The following PPP2R2C variants were observed in gnomAD, a reference collection of about 807,000 sequenced individuals.
PPP2R2C encodes the protein protein phosphatase 2 regulatory subunit Bgamma.
A neutral mutation model predicts 45.3 loss-of-function variants in PPP2R2C; 10 were observed. The ratio of observed to expected loss-of-function variants is 0.22; its 90% CI spans 0.14 to 0.37. PPP2R2C has a LOEUF of 0.37. PPP2R2C is among the 10% of genes least tolerant of loss of function. PPP2R2C has a pLI of 1.00. For missense variants in PPP2R2C, 308 were observed against 619.7 expected (o/e 0.50, Z 5.34); for synonymous variants, 257 against 245.4 (o/e 1.05, Z -0.44).
At chr4:6,342,605 A>AC (rs1443977934) in intron 6 of PPP2R2C, among the ~76,000 whole-genome samples, 1 of 151,968 alleles carries the variant, frequency 6.6e-6, no homozygotes, top group African/African-American at 2.4e-5. Flanking sequence ...AGCCATCATC[A>AC]CCCCCAATTC....
chr4:6,409,413 C>A (rs528999333), intron 1 of PPP2R2C, among the ~76,000 whole-genome samples: 1 of 152,262 alleles, frequency 6.6e-6, no homozygotes, highest in African/African-American at 2.4e-5. Flanking sequence ...GGAAGACGGG[C>A]CAGTGGTGCC....
chr4:6,436,436 C>T (rs1719898988), intron 1 of PPP2R2C, among the ~76,000 whole-genome samples: 1 of 152,242 alleles, frequency 6.6e-6, no homozygotes, highest in African/African-American at 2.4e-5. Context: ...CTTTACTGCA[C>T]TTCCCCACAT....
chr4:6,390,626 T>C (rs1716555338), intron 1 of PPP2R2C, among the ~76,000 whole-genome samples: 1 of 152,060 alleles, frequency 6.6e-6, no homozygotes, highest in South Asian at 2.1e-4. Context: ...ACTGAGTGAG[T>C]GACGGAAGGC....
chr4:6,374,611 T>C (rs147486992), intron 4 of PPP2R2C, among the ~76,000 whole-genome samples: 1,589 of 152,304 alleles, frequency 0.01, 11 homozygotes, highest in Middle Eastern at 0.044. Context: ...GTTCACCAAA[T>C]TGACAAAGTA....
intron 6 of PPP2R2C, among the ~76,000 whole-genome samples, chr4:6,335,128 G>T (rs1300545799): frequency 6.6e-6 from 1 of 152,192 alleles, no homozygotes. Context: ...CACCTACTCT[G>T]TGCCAGGCCC....
In PPP2R2C at chr4:6,472,158, A is replaced by G. The variant is rs1721935004; in HGVS notation, c.70+2T>C. ...AGGGGTCTCAGACAACACGTACGTT[A>G]CCTTCAGTCACATAGCTGTGGTCCC... On this transcript the variant is annotated splice_donor_variant, in intron 1 of 8. Transcript: ENST00000382599. LOFTEE classifies it high-confidence loss of function. The G allele has an allele frequency of 6.2e-7, 1 of 1,613,328 alleles. No individual in the cohort carries two copies. Among genetic ancestry groups the G allele is most frequent in the East Asian group, 2.2e-5 (1 of 44,838 alleles).
chr4:6,346,192 T>TC (rs1349271850), intron 6 of PPP2R2C, among the ~76,000 whole-genome samples: 1 of 151,976 alleles, frequency 6.6e-6, no homozygotes, highest in Non-Finnish European at 1.5e-5. Context: ...TGACGCCTGC[T>TC]CCCCCGGGGA....
chr4:6,521,468 C>T (rs1724024588), intron 2 of PPP2R2C, among the ~76,000 whole-genome samples: 1 of 152,196 alleles, frequency 6.6e-6, no homozygotes, highest in Non-Finnish European at 1.5e-5. Flanking sequence ...TTCATTGAGC[C>T]CCCTCAAGGC....
At chr4:6,506,994 A>G (rs1344833385) in intron 2 of PPP2R2C, among the ~76,000 whole-genome samples, 2 of 152,174 alleles carry the variant, frequency 1.3e-5, no homozygotes, top group Non-Finnish European at 2.9e-5. Flanking sequence ...TGGAAGCTCC[A>G]TGGCTTCTTA....
intron 2 of PPP2R2C, among the ~76,000 whole-genome samples, chr4:6,496,862 AAAATAAAT>A (rs58136718): frequency 1.6e-3 from 219 of 139,024 alleles, no homozygotes; most frequent in African/African-American, 4.0e-3. Context: ...ACTCCATCTC[AAAATAAAT>A]AAATAAATAA....
chr4:6,367,460 C>T (rs904956679), intron 5 of PPP2R2C, among the ~76,000 whole-genome samples: 14 of 151,784 alleles, frequency 9.2e-5, no homozygotes, highest in Non-Finnish European at 1.8e-4. Context: ...GCCTCCTGAC[C>T]CTGGGTTTTT....
intron 5 of PPP2R2C, 139 bp downstream of exon 5, chr4:6,372,384 G>C: frequency 2.3e-6 from 2 of 865,366 alleles, no homozygotes; most frequent in East Asian, 2.6e-5. Context: ...CGCATACTAG[G>C]AGCCAGAGGT....
Position 6,330,775 on chromosome 4 carries a change from G to T in PPP2R2C, c.961-1422C>A, listed in dbSNP as rs1003493668. ...CACAGGAAAACAGAGTGGCACTAGG[G>T]GAAGCAGGATTGGGAGGAAGGGCCT... On this transcript the variant is annotated intron_variant, in intron 7 of 8. Coordinates refer to ENST00000382599, the MANE Select transcript of PPP2R2C (RefSeq NM_020416.4). The surrounding 1 kb of genome is among the most constrained non-coding windows in gnomAD (Gnocchi z 7.0). Among the ~76,000 whole-genome samples, 55 of 152,170 alleles carry T rather than the reference G, an allele frequency of 3.6e-4. 3 individuals are homozygous for T. The highest frequency in any genetic ancestry group is 5.9e-5 in the Non-Finnish European group (4 of 68,030).
Position 6,495,795 on chromosome 4 carries a change from G to A in PPP2R2C, c.49+39476C>T, listed in dbSNP as rs148531764. ...GTTTCTCCTGCTGGATAACTTTTGC[G>A]TGGTGTATGAGTTCCCAGGCTGCCA... is the stretch of plus-strand genomic sequence containing the variant. On this transcript the variant is annotated intron_variant, in intron 2 of 9. Transcript: ENST00000506140. Among the ~76,000 whole-genome samples, 511 of 152,314 alleles carry A rather than the reference G, an allele frequency of 3.4e-3. 1 individual carries two copies. The highest frequency in any genetic ancestry group is 0.012 in the African/African-American group (486 of 41,562).
At chr4:6,394,952 G>A (rs1317912141) in intron 1 of PPP2R2C, among the ~76,000 whole-genome samples, 1 of 152,156 alleles carries the variant, frequency 6.6e-6, no homozygotes, top group Non-Finnish European at 1.5e-5. Context: ...AATTCCCTGA[G>A]CTGGGTGCTG....
chr4:6,402,940 G>A (rs890671635), intron 1 of PPP2R2C, among the ~76,000 whole-genome samples: 26 of 152,216 alleles, frequency 1.7e-4, no homozygotes, highest in Non-Finnish European at 5.9e-5. Context: ...AGCCATGAAG[G>A]CCTGCCAAGA....
intron 1 of PPP2R2C, among the ~76,000 whole-genome samples, chr4:6,539,750 T>C (rs762632119): frequency 3.9e-5 from 6 of 152,202 alleles, no homozygotes; most frequent in Non-Finnish European, 7.3e-5. Context: ...GAAGCTGCAC[T>C]AGGCATTCCC....
intron 1 of PPP2R2C, among the ~76,000 whole-genome samples, chr4:6,443,800 C>T (rs906475943): frequency 6.6e-6 from 1 of 151,782 alleles, no homozygotes; most frequent in African/African-American, 2.4e-5. Context: ...CCTTGCAGAG[C>T]ATCTGGTCCA....
rs1395969669 is a variant in PPP2R2C at position 6,345,530 on chromosome 4, AAGAC to A, written c.790+2312_790+2315del. On this transcript the variant is annotated intron_variant, in intron 6 of 8. Coordinates refer to ENST00000382599, the MANE Select transcript of PPP2R2C (RefSeq NM_020416.4). The surrounding 1 kb of genome is among the most constrained non-coding windows in gnomAD (Gnocchi z 5.3). ...CGATCACAAGGGCCTTTATACGCGA[AAGAC>A]AGACAGGAGGGTCAGAGACGTGAGA... 1.3e-5 allele frequency among the ~76,000 whole-genome samples: 2 copies of A among 152,184 alleles called. No homozygotes were observed. Among genetic ancestry groups the A allele is most frequent in the African/African-American group, 4.8e-5 (2 of 41,430 alleles).
Sources: gnomAD v4.1 joint callset for allele counts (sites outside exome capture counted in the v4.1 genomes callset) on GRCh38, gnomAD v4.1.1 for gene constraint, Gnocchi (gnomAD v3.1) non-coding constraint, MANE v1.5 for transcripts, NCBI Gene and HGNC (gene_info 2026-07-23, HGNC 2026-07-21) for gene names.